AFF3: variants seen among roughly 807,000 people sequenced by gnomAD.
The protein encoded by AFF3 is ALF transcription elongation factor 3, also known as AF4/FMR2 family member 3.
A neutral mutation model predicts 129.7 loss-of-function variants in AFF3; 32 were observed. That is an observed-to-expected ratio of 0.25 (90% CI 0.19 to 0.33). The LOEUF (loss-of-function observed/expected upper bound fraction) is 0.33. Ranked by LOEUF, AFF3 falls within the 10% of genes least tolerant of loss-of-function variation. The pLI is 1.00. For synonymous variants in AFF3, 644 were observed against 635.4 expected (o/e 1.01, Z -0.20); for missense variants, 1,373 against 1,592.0 (o/e 0.86, Z 2.34).
chr2:99,567,427 G>A (rs999749329), intron 19 of AFF3, among the ~76,000 whole-genome samples: 13 of 152,182 alleles, frequency 8.5e-5, no homozygotes, highest in African/African-American at 3.1e-4. Context: ...GAGAGAAAAT[G>A]TACACCTACA....
intron 2 of AFF3, chr2:100,106,760 C>A (rs1292767415): frequency 1.6e-5 from 16 of 985,450 alleles, no homozygotes; most frequent in Middle Eastern, 5.2e-4. Flanking sequence ...AGGAGGGCCG[C>A]TGAAGGACAA....
intron 1 of AFF3, among the ~76,000 whole-genome samples, chr2:100,140,016 A>T (rs1692796736): frequency 6.6e-6 from 1 of 152,254 alleles, no homozygotes; most frequent in Non-Finnish European, 1.5e-5. Context: ...ATGACATGTC[A>T]TTAAGAACCA....
chr2:100,122,009 C>A (rs1465364455), intron 2 of AFF3, among the ~76,000 whole-genome samples: 1 of 152,138 alleles, frequency 6.6e-6, no homozygotes, highest in African/African-American at 2.4e-5. Flanking sequence ...TTGCAGTGAG[C>A]CGAGATTGCG....
chr2:99,974,373 CTCA>C (rs1335531588), intron 7 of AFF3, among the ~76,000 whole-genome samples: 2 of 152,184 alleles, frequency 1.3e-5, no homozygotes, highest in African/African-American at 4.8e-5. Flanking sequence ...CACCTGTGTG[CTCA>C]TCAATAAGTG....
chr2:99,614,996 A>G (rs1181518706), intron 13 of AFF3, among the ~76,000 whole-genome samples: 5 of 152,210 alleles, frequency 3.3e-5, no homozygotes, highest in Non-Finnish European at 5.9e-5. Context: ...GGGCTTACTG[A>G]TAGTTTTTCA....
Position 99,551,600 on chromosome 2 carries a change from G to A in AFF3, c.3560-5C>T. ...GATCCAGGTCGTTGAAGAATTCTAG[G>A]GGGACAGAAAGAGTTGTTAAGAATG... On this transcript the variant is annotated splice_region_variant and splice_polypyrimidine_tract_variant and intron_variant, in intron 24 of 24. Coordinates refer to ENST00000672756, the MANE Select transcript of AFF3 (RefSeq NM_001386135.1). 1.2e-6 allele frequency: 2 copies of A among 1,613,974 alleles called. No individual in the cohort carries two copies. The highest frequency in any genetic ancestry group is 1.7e-6 in the Non-Finnish European group (2 of 1,179,946).
At chr2:99,572,359 C>A (rs1676579831) in intron 18 of AFF3, among the ~76,000 whole-genome samples, 1 of 145,812 alleles carries the variant, frequency 6.9e-6, no homozygotes, top group Non-Finnish European at 1.5e-5. Context: ...TGAGCTACCC[C>A]CATATTTCTT....
At chr2:99,904,410 A>G (rs1231715457) in intron 7 of AFF3, among the ~76,000 whole-genome samples, 2 of 144,652 alleles carry the variant, frequency 1.4e-5, no homozygotes, top group East Asian at 2.1e-4. Flanking sequence ...TAGAGTTCGG[A>G]AAAAAAAAAA....
At chr2:99,649,721 G>C in intron 12 of AFF3, 55 bp from the exon 13 acceptor site, 1 of 1,596,132 alleles carries the variant, frequency 6.3e-7, no homozygotes, top group South Asian at 1.1e-5. Flanking sequence ...TTTGAATTAC[G>C]TGCTCAATGA....
At chr2:99,752,114 G>T in intron 9 of AFF3, 107 bp downstream of exon 9, 2 of 1,009,710 alleles carry the variant, frequency 2.0e-6, no homozygotes, top group Non-Finnish European at 3.0e-6. Context: ...ACGTGCCTCT[G>T]GCAGGAATAT....
At chr2:99,965,575 G>C (rs1677663301) in intron 7 of AFF3, among the ~76,000 whole-genome samples, 1 of 152,172 alleles carries the variant, frequency 6.6e-6, no homozygotes, top group African/African-American at 2.4e-5. Context: ...AGCCCGCCAA[G>C]ATCACAATCC....
At chr2:99,927,835 G>A (rs1201578964) in intron 7 of AFF3, among the ~76,000 whole-genome samples, 3 of 152,148 alleles carry the variant, frequency 2.0e-5, no homozygotes, top group African/African-American at 7.2e-5. Context: ...ATATGGTTTG[G>A]GTGGTTTTGT....
chr2:100,010,389 G>A (rs1200017954), intron 4 of AFF3, among the ~76,000 whole-genome samples: 6 of 152,154 alleles, frequency 3.9e-5, no homozygotes, highest in Non-Finnish European at 8.8e-5. Flanking sequence ...TGTGGCTGGG[G>A]TACAGTTTAA....
chr2:99,986,911 A>T (rs1220575233), intron 7 of AFF3, among the ~76,000 whole-genome samples: 1 of 152,232 alleles, frequency 6.6e-6, no homozygotes, highest in African/African-American at 2.4e-5. Flanking sequence ...TAAACTTAGG[A>T]AACAAGTGGT....
chr2:99,580,118 G>A lies in AFF3; in HGVS notation c.2794-1667C>T, dbSNP rs149440118. On this transcript the variant is annotated intron_variant, in intron 17 of 24. Transcript: ENST00000672756. ...CAGCCATTCTTTGCCTGTGGCCTCTGTTCCCCAGATTCATGAGCGTGTGCA... is the reference window on the plus strand; with the variant it reads ...CAGCCATTCTTTGCCTGTGGCCTCTATTCCCCAGATTCATGAGCGTGTGCA... Among the ~76,000 whole-genome samples, 54 of 152,158 alleles carry A rather than the reference G, an allele frequency of 3.5e-4. No individual in the cohort carries two copies. The East Asian group carries it at 6.6e-3, about 19-fold the overall frequency.
intron 4 of AFF3, among the ~76,000 whole-genome samples, chr2:100,021,500 A>G (rs982466881): frequency 1.2e-4 from 18 of 152,198 alleles, no homozygotes; most frequent in African/African-American, 3.9e-4. Flanking sequence ...CCCCATTCAG[A>G]TCCTGAGTCC....
chr2:99,777,532 A>G (rs755944273), intron 8 of AFF3, among the ~76,000 whole-genome samples: 2 of 152,156 alleles, frequency 1.3e-5, no homozygotes, highest in Non-Finnish European at 2.9e-5. Flanking sequence ...AAAGGAGTAC[A>G]CCGCACTGGA....
chr2:99,905,605 T>G (rs1694661401), intron 7 of AFF3, among the ~76,000 whole-genome samples: 1 of 152,230 alleles, frequency 6.6e-6, no homozygotes, highest in Admixed American at 6.5e-5. Context: ...TTTCTGCGTA[T>G]TGGCACAAAT....
intron 4 of AFF3, among the ~76,000 whole-genome samples, chr2:100,043,513 G>A (rs971948220): frequency 3.3e-5 from 5 of 151,952 alleles, no homozygotes; most frequent in South Asian, 4.1e-4. Context: ...CTGTAATATC[G>A]AAAAAGATGA....
Sources: gnomAD v4.1 joint callset for allele counts (sites outside exome capture counted in the v4.1 genomes callset) on GRCh38, gnomAD v4.1.1 for gene constraint, MANE v1.5 for transcripts, NCBI Gene and HGNC (gene_info 2026-07-23, HGNC 2026-07-21) for gene names.